Variants in HTR3E observed in about 807,000 individuals in gnomAD.
The protein encoded by HTR3E is 5-hydroxytryptamine (serotonin) receptor 3, family member E.
Under a neutral mutation model 38.0 loss-of-function variants are expected in HTR3E, and 38 were observed. The observed-to-expected ratio is 1.00, with a 90% CI of 0.77 to 1.31. The LOEUF (loss-of-function observed/expected upper bound fraction) is 1.31. Among genes scored for constraint, HTR3E ranks in the 50% most tolerant of loss-of-function variants. The probability of loss-of-function intolerance (pLI) is 0.00; values close to 1 mark genes in which losing one functional copy is unlikely to be tolerated. For synonymous variants in HTR3E, 210 were observed against 232.9 expected, an observed-to-expected ratio of 0.90 and a Z score of 0.89; for missense variants, 547 against 585.2, an observed-to-expected ratio of 0.93 and a Z score of 0.67.
Position 184,105,929 on chromosome 3 carries a change from G to C in HTR3E, c.885G>C (p.Met295Ile), listed in dbSNP as rs756453868. 1 of 1,614,044 alleles carries C rather than the reference G, an allele frequency of 6.2e-7. No individual in the cohort carries two copies. The highest frequency in any genetic ancestry group is 1.3e-5 in the African/African-American group (1 of 74,908). ...LLLGYNVFLL[M>I]MSDLLPTSGT... is the part of the protein sequence containing the mutation. Reference sequence around the variant, plus strand: ...TGGGCTACAACGTCTTCCTGCTCATGATGAGTGACTTGCTCCCCACCAGTG... The same window carrying C: ...TGGGCTACAACGTCTTCCTGCTCATCATGAGTGACTTGCTCCCCACCAGTG... The change falls in exon 7 of 9, where the codon ATG becomes ATC. Residue 295 changes from methionine (M) to isoleucine (I), a missense_variant. Met to Ile is a conservative substitution (Grantham distance 10). Coordinates refer to ENST00000415389, the MANE Select transcript of HTR3E (RefSeq NM_001256613.2).
intron 1 of HTR3E, among the ~76,000 whole-genome samples, chr3:184,099,593 A>G (rs1711863795): frequency 6.6e-6 from 1 of 150,914 alleles, no homozygotes; most frequent in African/African-American, 2.4e-5. Flanking sequence ...GGGCGCCTGT[A>G]GTCCCAGCTA....
Position 184,104,934 on chromosome 3 carries a change from C to A in HTR3E, c.537C>A (p.Thr179=), listed in dbSNP as rs1407410656. ...TCGACCAGCAGAACTGCACACTCAC[C>A]TTCAGCTCATTCCTCTACACAGGTA... is the stretch of plus-strand genomic sequence containing the variant. The part of the protein sequence containing the change: ...FPFDQQNCTL[T]FSSFLYTVDS... The change falls in exon 5 of 9, where the codon ACC becomes ACA. Residue 179 remains threonine, a synonymous_variant. Coordinates refer to ENST00000415389, the MANE Select transcript of HTR3E (RefSeq NM_001256613.2). 1 of 1,613,866 alleles carries A rather than the reference C, an allele frequency of 6.2e-7. No individual in the cohort carries two copies. Among genetic ancestry groups the A allele is most frequent in the East Asian group, 2.2e-5 (1 of 44,876 alleles).
intron 5 of HTR3E, 23 bp downstream of exon 5, chr3:184,104,979 G>A (rs1482365297): frequency 6.3e-7 from 1 of 1,599,544 alleles, no homozygotes; most frequent in South Asian, 1.1e-5. Flanking sequence ...GAGGTCTCAG[G>A]GATGGGGTGA....
chr3:184,105,764 G>C lies in HTR3E; in HGVS notation c.721-1G>C, dbSNP rs1410588611. ...CTTACCACCCTCTCCTACCCCACCA[G>C]GTGGCCATCAGGCGCAGGCCCAGTC... On this transcript the variant is annotated splice_acceptor_variant, in intron 6 of 8. Coordinates refer to ENST00000415389, the MANE Select transcript of HTR3E (RefSeq NM_001256613.2). LOFTEE classifies it high-confidence loss of function. The C allele has an allele frequency of 6.2e-7, 1 of 1,612,724 alleles. No homozygotes were observed. The highest frequency in any genetic ancestry group is 1.7e-5 in the Admixed American group (1 of 60,022).
chr3:184,105,032 T>C, intron 5 of HTR3E, 76 bp downstream of exon 5: 1 of 1,436,700 alleles, frequency 7.0e-7, no homozygotes, highest in Non-Finnish European at 9.5e-7. Context: ...GAGTAAATGG[T>C]GACCAAGGAG....
chr3:184,097,634 G>T, intron 1 of HTR3E, 38 bp downstream of exon 1: 1 of 1,469,560 alleles, frequency 6.8e-7, no homozygotes, highest in African/African-American at 1.4e-5. Context: ...GCGGAAGAAG[G>T]AGGACCTCTC....
In HTR3E at chr3:184,104,931, C is replaced by G; in HGVS notation, c.534C>G (p.Leu178=). ...YFPFDQQNCT[L]TFSSFLYTVD... Reference sequence around the variant, plus strand: ...CCTTCGACCAGCAGAACTGCACACTCACCTTCAGCTCATTCCTCTACACAG... The same window carrying G: ...CCTTCGACCAGCAGAACTGCACACTGACCTTCAGCTCATTCCTCTACACAG... Residue 178 remains leucine, a synonymous_variant, in exon 5 of 9, where the codon CTC becomes CTG. Coordinates refer to ENST00000415389, the MANE Select transcript of HTR3E (RefSeq NM_001256613.2). The G allele has an allele frequency of 6.2e-7, 1 of 1,613,900 alleles. No individual in the cohort carries two copies. Among genetic ancestry groups the G allele is most frequent in the Non-Finnish European group, 8.5e-7 (1 of 1,179,950 alleles).
chr3:184,100,469 T>C lies in HTR3E; in HGVS notation c.68-16T>C. 6.2e-7 allele frequency: 1 copy of C among 1,614,094 alleles called. No homozygotes were observed. On this transcript the variant is annotated splice_polypyrimidine_tract_variant and intron_variant, in intron 1 of 8. Coordinates refer to ENST00000415389, the MANE Select transcript of HTR3E (RefSeq NM_001256613.2). ...GGTTGCTCTCCTTCATCTCACACAT[T>C]CGATGTCCACTACAGGAAGGGGCGT... is the stretch of plus-strand genomic sequence containing the variant.
chr3:184,105,061 T>G, intron 5 of HTR3E, 105 bp downstream of exon 5: 1 of 1,233,160 alleles, frequency 8.1e-7, no homozygotes, highest in Non-Finnish European at 1.1e-6. Context: ...GGGAGAAGAA[T>G]AAGGCTCTAT....
At position 184,100,488 on chromosome 3, in the gene HTR3E, G is replaced by T; in HGVS notation, c.71G>T (p.Arg24Met). The part of the protein sequence containing the change: ...YLLLGFLLQG[R>M]GVTFTINCSG... Reference sequence around the variant, plus strand: ...ACACATTCGATGTCCACTACAGGAAGGGGCGTTACTTTCACCATCAATTGC... The same window carrying T: ...ACACATTCGATGTCCACTACAGGAATGGGCGTTACTTTCACCATCAATTGC... Residue 24 changes from arginine to methionine, a missense_variant, in exon 2 of 9, where the codon AGG becomes ATG. Physicochemically the swap from Arg to Met is moderately conservative, Grantham distance 91. Coordinates refer to ENST00000415389, the MANE Select transcript of HTR3E (RefSeq NM_001256613.2). The T allele has an allele frequency of 6.2e-7, 1 of 1,614,148 alleles. No homozygotes were observed. The highest frequency in any genetic ancestry group is 8.5e-7 in the Non-Finnish European group (1 of 1,180,028).
At chr3:184,097,897 AGTCT>A (rs1388224300) in intron 1 of HTR3E, among the ~76,000 whole-genome samples, 4 of 152,202 alleles carry the variant, frequency 2.6e-5, no homozygotes, top group African/African-American at 9.6e-5. Context: ...CTACTTGAAA[AGTCT>A]GTCTTTTCTC....
chr3:184,097,598 T>A lies in HTR3E; in HGVS notation c.67+2T>A. 6.5e-7 allele frequency: 1 copy of A among 1,534,464 alleles called. No individual in the cohort carries two copies. Among genetic ancestry groups the A allele is most frequent in the East Asian group, 2.4e-5 (1 of 40,878 alleles). ...TCCTTCTCGGTTTTCTGCTTCAAGGTAAGAAAGGAGCAATGATGGGGGAAG... is the reference window on the plus strand; with the variant it reads ...TCCTTCTCGGTTTTCTGCTTCAAGGAAAGAAAGGAGCAATGATGGGGGAAG... On this transcript the variant is annotated splice_donor_variant, in intron 1 of 8. Coordinates refer to ENST00000415389, the MANE Select transcript of HTR3E (RefSeq NM_001256613.2). LOFTEE classifies it high-confidence loss of function.
Position 184,106,855 on chromosome 3 carries a change from C to A in HTR3E, c.*162C>A. 1.3e-6 allele frequency: 1 copy of A among 741,490 alleles called. No homozygotes were observed. The highest frequency in any genetic ancestry group is 2.2e-6 in the Non-Finnish European group (1 of 457,678). The allele number at this position is 741,490 out of a possible 1,614,324, so 45.9% of individuals were successfully genotyped here. A position where few individuals can be genotyped will look rare whatever the true frequency, so the allele number is the denominator to read the frequency against. ...TCCGGTCCTGCTGATCAATTCCAAT[C>A]CCAGACATTTCTCCCTGTTCCTGCA... On this transcript the variant is annotated 3_prime_UTR_variant, in exon 9 of 9. Coordinates refer to ENST00000415389, the MANE Select transcript of HTR3E (RefSeq NM_001256613.2). This position sits in a 1 kb window ranked among gnomAD's most constrained non-coding sequence, Gnocchi z 4.1.
intron 6 of HTR3E, 80 bp from the exon 7 acceptor site, chr3:184,105,685 C>A: frequency 1.6e-6 from 2 of 1,238,680 alleles, no homozygotes; most frequent in South Asian, 1.2e-5. Flanking sequence ...AAGGCAGAGA[C>A]AGAAATTGTC....
chr3:184,100,780 A>T, intron 2 of HTR3E, 129 bp downstream of exon 2: 2 of 1,340,070 alleles, frequency 1.5e-6, no homozygotes, highest in Non-Finnish European at 2.0e-6. Flanking sequence ...TTTGCCTGGC[A>T]TGGGGATCTC....
At position 184,105,350 on chromosome 3, in the gene HTR3E, T is replaced by C. The variant is rs1712358529; in HGVS notation, c.643T>C (p.Trp215Arg). ...GAACATCCTTCAGACCCATGGAGAA[T>C]GGGAGCTCCTGGGCCTCAGCAAGGC... Reference protein sequence around the residue: ...SRNILQTHGEWELLGLSKATA... With the variant: ...SRNILQTHGERELLGLSKATA... The change falls in exon 6 of 9, where the codon TGG becomes CGG. Residue 215 changes from tryptophan (W) to arginine (R), a missense_variant. Trp to Arg is a moderately radical substitution (Grantham distance 101, BLOSUM62 -3). Coordinates refer to ENST00000415389, the MANE Select transcript of HTR3E (RefSeq NM_001256613.2). 1 of 1,614,026 alleles carries C rather than the reference T, an allele frequency of 6.2e-7. No individual in the cohort carries two copies. Among genetic ancestry groups the C allele is most frequent in the Non-Finnish European group, 8.5e-7 (1 of 1,180,036 alleles).
intron 2 of HTR3E, 143 bp from the exon 3 acceptor site, chr3:184,101,342 A>C: frequency 1.3e-6 from 1 of 761,756 alleles, no homozygotes; most frequent in East Asian, 2.5e-5. Flanking sequence ...GTAGCCTAAC[A>C]CATGGGTTTG....
intron 3 of HTR3E, among the ~76,000 whole-genome samples, chr3:184,102,924 CA>C (rs58155446): frequency 1.4e-3 from 175 of 122,980 alleles, no homozygotes; most frequent in Admixed American, 1.9e-3. Flanking sequence ...GACTGCATCT[CA>C]AAAAAAAAAA....
chr3:184,106,712 A>G lies in HTR3E; in HGVS notation c.*19A>G. On this transcript the variant is annotated 3_prime_UTR_variant, in exon 9 of 9. Coordinates refer to ENST00000415389, the MANE Select transcript of HTR3E (RefSeq NM_001256613.2). The surrounding 1 kb of genome is among the most constrained non-coding windows in gnomAD (Gnocchi z 4.1). ...CACCTAGGCAGGTGCTCACCTGCCA[A>G]CTTCAGTCTGGAGCTTCTCTTGCCT... 1 of 1,612,690 alleles carries G rather than the reference A, an allele frequency of 6.2e-7. No homozygotes were observed. The highest frequency in any genetic ancestry group is 2.2e-5 in the East Asian group (1 of 44,862).
Sources: allele counts gnomAD v4.1 joint callset (sites outside exome capture counted in the v4.1 genomes callset), GRCh38; gene constraint gnomAD v4.1.1; non-coding constraint Gnocchi (gnomAD v3.1); transcripts MANE v1.5; gene names NCBI Gene and HGNC (gene_info 2026-07-23, HGNC 2026-07-21).